Variants in PADI6 observed in about 807,000 individuals in gnomAD.
PADI6 encodes the protein peptidyl arginine deiminase 6, also known as inactive protein-arginine deiminase type-6.
Under a neutral mutation model 78.2 loss-of-function variants are expected in PADI6, and 66 were observed. The observed-to-expected ratio is 0.84, with a 90% CI of 0.69 to 1.04. The LOEUF is 1.04. Ranked by LOEUF, PADI6 falls within the 50% of genes least tolerant of loss-of-function variation. The pLI, the probability that PADI6 is intolerant of heterozygous loss-of-function variation, is 0.00. For synonymous variants in PADI6, 397 were observed against 346.9 expected (o/e 1.14, Z -1.60); for missense variants, 854 against 866.1 (o/e 0.99, Z 0.18).
At chr1:17,396,676 T>TC (rs2075250376) in intron 13 of PADI6, among the ~76,000 whole-genome samples, 1 of 152,156 alleles carries the variant, frequency 6.6e-6, no homozygotes, top group South Asian at 2.1e-4. Flanking sequence ...GTCCCAAAGA[T>TC]CAGGCAATTG....
chr1:17,398,838 C>T lies in PADI6; in HGVS notation c.1842C>T (p.Phe614=), dbSNP rs1338639138. 3.7e-6 allele frequency: 6 copies of T among 1,613,178 alleles called. No individual in the cohort carries two copies. The highest frequency in any genetic ancestry group is 5.1e-6 in the Non-Finnish European group (6 of 1,179,670). ...AGAGGTCCTTTGCGAGGCCATACTTCCCTGACCTGGTGAGGGGCGACTGCG... is the reference window on the plus strand; with the variant it reads ...AGAGGTCCTTTGCGAGGCCATACTTTCCTGACCTGGTGAGGGGCGACTGCG... The part of the protein sequence containing the change: ...QPKRSFARPY[F]PDLLRMIVMG... The change falls in exon 15 of 16, where the codon TTC becomes TTT. Residue 614 remains phenylalanine (F), a synonymous_variant. Transcript: ENST00000619609.
intron 2 of PADI6, among the ~76,000 whole-genome samples, chr1:17,375,099 A>AG (rs2075002256): frequency 6.6e-6 from 1 of 152,160 alleles, no homozygotes; most frequent in Admixed American, 6.5e-5. Flanking sequence ...CTTGGGCTCT[A>AG]GAGCCAGGCA....
chr1:17,396,874 T>C (rs1360299818), intron 13 of PADI6, among the ~76,000 whole-genome samples, 197 bp from the exon 14 acceptor site: 1 of 152,218 alleles, frequency 6.6e-6, no homozygotes, highest in African/African-American at 2.4e-5. Flanking sequence ...CTGGGAGTTC[T>C]GGTGTAGACC....
chr1:17,386,453 CCCAGGTCCCCAGAACAGGA>C (rs2075120570), intron 6 of PADI6, among the ~76,000 whole-genome samples: 1 of 152,220 alleles, frequency 6.6e-6, no homozygotes, highest in African/African-American at 2.4e-5. Context: ...CCACAGGGAG[CCCAGGTCCCCAGAACAGGA>C]GCAGGCCCTA....
chr1:17,394,451 C>A lies in PADI6; in HGVS notation c.1334C>A (p.Pro445His). The A allele has an allele frequency of 6.2e-7, 1 of 1,612,286 alleles. No individual in the cohort carries two copies. Among genetic ancestry groups the A allele is most frequent in the Non-Finnish European group, 8.5e-7 (1 of 1,178,910 alleles). ...GRVLIGSSFY[P>H]SAEGRAMSKT... ...GTCCTCATTGGCAGCAGCTTTTACCCCAGGTGAGCCACAAAGCCAGACGCC... is the reference window on the plus strand; with the variant it reads ...GTCCTCATTGGCAGCAGCTTTTACCACAGGTGAGCCACAAAGCCAGACGCC... The change falls in exon 11 of 16, where the codon CCC (proline) becomes CAC (histidine). Residue 445 changes from proline (P) to histidine (H), a missense_variant. Physicochemically the swap from Pro to His is moderately conservative, Grantham distance 77. Transcript: ENST00000619609.
At chr1:17,376,771 T>C (rs2075022250) in intron 3 of PADI6, among the ~76,000 whole-genome samples, 1 of 152,190 alleles carries the variant, frequency 6.6e-6, no homozygotes, top group Non-Finnish European at 1.5e-5. Flanking sequence ...TTCTCTAGAA[T>C]CTTCTCAAAT....
chr1:17,382,102 C>G lies in PADI6; in HGVS notation c.679+10C>G. 6.2e-7 allele frequency: 1 copy of G among 1,612,732 alleles called. No homozygotes were observed. Among genetic ancestry groups the G allele is most frequent in the Non-Finnish European group, 8.5e-7 (1 of 1,179,174 alleles). Reference sequence around the variant, plus strand: ...GTCTACTGGCCCCAAAGTGAGTGTTCTTGTGCCAGCTCCAGCTTTGCCTGC... The same window carrying G: ...GTCTACTGGCCCCAAAGTGAGTGTTGTTGTGCCAGCTCCAGCTTTGCCTGC... On this transcript the variant is annotated intron_variant, in intron 6 of 15. Transcript: ENST00000619609.
At chr1:17,398,131 C>T (rs915805763) in intron 14 of PADI6, among the ~76,000 whole-genome samples, 1 of 152,236 alleles carries the variant, frequency 6.6e-6, no homozygotes, top group African/African-American at 2.4e-5. Context: ...AACTGCTTCT[C>T]TCACTGGGTC....
intron 3 of PADI6, 137 bp from the exon 4 acceptor site, chr1:17,379,783 C>A: frequency 1.5e-6 from 1 of 673,308 alleles, no homozygotes; most frequent in Non-Finnish European, 2.5e-6. Flanking sequence ...ATGGTTTCTG[C>A]TTCTAAGCTG....
At chr1:17,374,238 G>A (rs1343239444) in intron 2 of PADI6, among the ~76,000 whole-genome samples, 13 of 152,074 alleles carry the variant, frequency 8.5e-5, no homozygotes, top group African/African-American at 3.1e-4. Flanking sequence ...TACTGGAGAT[G>A]TCTGCTGCAG....
Position 17,373,290 on chromosome 1 carries a change from A to G in PADI6, c.294+57A>G, listed in dbSNP as rs955589407. 2.3e-5 allele frequency: 36 copies of G among 1,578,728 alleles called. No homozygotes were observed. The East Asian group carries it at 7.9e-4, about 35-fold the overall frequency. On this transcript the variant is annotated intron_variant, in intron 2 of 15. Transcript: ENST00000619609. ...TCCCGGGGTGGGACCTAGCACAGCC[A>G]CTGGGGCTTCCTCCTGGCTGCAGAC... is the stretch of plus-strand genomic sequence containing the variant.
intron 13 of PADI6, among the ~76,000 whole-genome samples, chr1:17,395,900 A>AC (rs2075242203): frequency 6.6e-6 from 1 of 152,210 alleles, no homozygotes; most frequent in South Asian, 2.1e-4. Flanking sequence ...AGGGGGACTC[A>AC]CTTAGTACAT....
chr1:17,373,899 T>TG (rs1484248058), intron 2 of PADI6, among the ~76,000 whole-genome samples: 5 of 151,992 alleles, frequency 3.3e-5, no homozygotes, highest in Non-Finnish European at 7.4e-5. Flanking sequence ...AGCCCAAGGG[T>TG]GTATTCTCCC....
chr1:17,372,539 C>T (rs1044815766), intron 1 of PADI6, among the ~76,000 whole-genome samples, 178 bp downstream of exon 1: 1 of 152,248 alleles, frequency 6.6e-6, no homozygotes, highest in East Asian at 1.9e-4. Context: ...AGAATTCTGA[C>T]TTAAATCCTG....
chr1:17,385,167 G>A (rs1425712122), intron 6 of PADI6, among the ~76,000 whole-genome samples: 1 of 150,562 alleles, frequency 6.6e-6, no homozygotes, highest in African/African-American at 2.4e-5. Flanking sequence ...ATACAGGTGA[G>A]TCTGTGGACA....
chr1:17,382,507 C>A (rs6586535), intron 6 of PADI6, among the ~76,000 whole-genome samples: 2 of 151,992 alleles, frequency 1.3e-5, no homozygotes, highest in Admixed American at 6.5e-5. Flanking sequence ...AAATCTGAGG[C>A]CAAAACCTCT....
intron 14 of PADI6, 104 bp downstream of exon 14, chr1:17,397,245 C>CG (rs529529791): frequency 3.9e-5 from 48 of 1,240,538 alleles, no homozygotes; most frequent in African/African-American, 1.2e-4. Flanking sequence ...TGTTGGGCGG[C>CG]GGGGGGCAGC....
chr1:17,389,598 G>A (rs1394328238), intron 8 of PADI6, among the ~76,000 whole-genome samples: 3 of 152,196 alleles, frequency 2.0e-5, no homozygotes, highest in East Asian at 1.9e-4. Context: ...TCCTGAACAC[G>A]CACGGGGCCA....
chr1:17,373,532 C>T (rs2100283230), intron 2 of PADI6, among the ~76,000 whole-genome samples: 1 of 151,630 alleles, frequency 6.6e-6, no homozygotes, highest in Admixed American at 6.6e-5. Context: ...ACGCTCATTG[C>T]CCAGACTGGG....
Sources: allele counts gnomAD v4.1 joint callset (sites outside exome capture counted in the v4.1 genomes callset), GRCh38; gene constraint gnomAD v4.1.1; transcripts MANE v1.5; gene names NCBI Gene and HGNC (gene_info 2026-07-23, HGNC 2026-07-21).